Variants in HADH observed in about 807,000 individuals in gnomAD.
HADH encodes the protein hydroxyacyl-coenzyme A dehydrogenase, mitochondrial.
A neutral mutation model predicts 32.2 loss-of-function variants in HADH; 24 were observed. The ratio of observed to expected loss-of-function variants is 0.75; its 90% confidence interval spans 0.54 to 1.05. The LOEUF (loss-of-function observed/expected upper bound fraction) is 1.05, where lower values mean the gene tolerates loss of function less well. Ranked by LOEUF, HADH falls within the 50% of genes least tolerant of loss-of-function variation. The pLI, the probability that HADH is intolerant of heterozygous loss-of-function variation, is 0.00. For synonymous variants in HADH, 139 were observed against 152.5 expected (o/e 0.91, Z 0.65); for missense variants, 350 against 397.1 (o/e 0.88, Z 1.01).
chr4:108,024,992 G>A (rs1473272087), intron 5 of HADH: 1 of 152,180 alleles, frequency 6.6e-6, no homozygotes, highest in Non-Finnish European at 1.5e-5. Context: ...AGCTCTTTAT[G>A]AGGCATCTGG....
chr4:108,034,424 G>A lies in HADH; in HGVS notation c.*67G>A, dbSNP rs893527814. ...TTTCCAGCCAGTGCCCCGAGTGCCT[G>A]TGGGAATGCTCTTTGGTCAGACATT... On this transcript the variant is annotated 3_prime_UTR_variant, in exon 8 of 8. Transcript: ENST00000309522. 9.2e-6 allele frequency: 8 copies of A among 873,678 alleles called. No individual in the cohort carries two copies. Among genetic ancestry groups the A allele is most frequent in the Middle Eastern group, 2.2e-4 (1 of 4,640 alleles). 54.1% of individuals were successfully genotyped at this position (873,678 alleles called of 1,614,324 possible).
At chr4:108,014,379 A>AT in intron 2 of HADH, 52 bp from the exon 3 acceptor site, 1 of 1,606,770 alleles carries the variant, frequency 6.2e-7, no homozygotes. Context: ...AACTTGAAAG[A>AT]TAATTTCCAG....
At chr4:108,000,562 A>G (rs1432010146) in intron 1 of HADH, among the ~76,000 whole-genome samples, 2 of 152,160 alleles carry the variant, frequency 1.3e-5, no homozygotes, top group Non-Finnish European at 2.9e-5. Flanking sequence ...CGCCACACCC[A>G]GTTATTTTCT....
intron 3 of HADH, among the ~76,000 whole-genome samples, chr4:108,018,642 T>A (rs1735774198): frequency 6.6e-6 from 1 of 152,074 alleles, no homozygotes; most frequent in Non-Finnish European, 1.5e-5. Context: ...TTGAGCAGAT[T>A]ATAGTATTGC....
At chr4:108,008,330 G>T (rs1312515590) in intron 1 of HADH, among the ~76,000 whole-genome samples, 1 of 152,144 alleles carries the variant, frequency 6.6e-6, no homozygotes, top group Non-Finnish European at 1.5e-5. Context: ...TCATGCCTTG[G>T]TTCCCAGACG....
At chr4:108,010,540 C>T (rs1004882662) in intron 2 of HADH, among the ~76,000 whole-genome samples, 4 of 152,076 alleles carry the variant, frequency 2.6e-5, no homozygotes, top group African/African-American at 9.7e-5. Context: ...GATTGATTTC[C>T]TTGGGGCTTG....
chr4:108,024,587 G>A (rs1735997085), intron 5 of HADH: 1 of 152,164 alleles, frequency 6.6e-6, no homozygotes. Context: ...TTGTTAGGGA[G>A]TCTCATGCTT....
At chr4:108,033,107 G>C (rs951578997) in intron 6 of HADH, 69 bp from the exon 7 acceptor site, 5 of 817,754 alleles carry the variant, frequency 6.1e-6, no homozygotes, top group Non-Finnish European at 1.1e-5. Context: ...GTAATTCTGG[G>C]GCTAATCCTG....
Position 108,014,509 on chromosome 4 carries a change from G to C in HADH, c.340G>C (p.Asp114His). 1 of 1,614,160 alleles carries C rather than the reference G, an allele frequency of 6.2e-7. No individual in the cohort carries two copies. Among genetic ancestry groups the C allele is most frequent in the South Asian group, 1.1e-5 (1 of 91,078 alleles). Residue 114 changes from aspartate (D) to histidine (H), a missense_variant, in exon 3 of 8, where the codon GAC (aspartate) becomes CAC (histidine). Coordinates refer to ENST00000309522, the MANE Select transcript of HADH (RefSeq NM_005327.7). ...TDAASVVHST[D>H]LVVEAIVENL... ...TGCAGCCTCCGTTGTCCACAGCACA[G>C]ACTTGGTGGTGGAAGCCATCGTGGA...
rs563672834 is a variant in HADH, at chr4:108,032,683, G to A, written c.710-493G>A. 1.1e-4 allele frequency: 36 copies of A among 341,038 alleles called. 1 individual carries two copies. The highest frequency in any genetic ancestry group is 9.2e-4 in the South Asian group (22 of 23,862). The allele number at this position is 341,038 out of a possible 1,614,324, so 21.1% of individuals were successfully genotyped here. A position where few individuals can be genotyped will look rare whatever the true frequency, so the allele number is the denominator to read the frequency against. ...ACTCCAAAATTCACCTCAGTGGTGC[G>A]TAGCTTTGAAAATCTTGGGCCACAC... is the stretch of plus-strand genomic sequence containing the variant. On this transcript the variant is annotated intron_variant, in intron 6 of 7. Transcript: ENST00000309522.
chr4:108,015,380 A>G (rs1735657186), intron 3 of HADH, among the ~76,000 whole-genome samples: 2 of 152,182 alleles, frequency 1.3e-5, no homozygotes, highest in Admixed American at 6.5e-5. Flanking sequence ...TCTGTTGATT[A>G]GTGATGCTGA....
intron 1 of HADH, among the ~76,000 whole-genome samples, chr4:107,995,564 T>C (rs913196309): frequency 6.6e-6 from 1 of 152,138 alleles, no homozygotes; most frequent in African/African-American, 2.4e-5. Context: ...TACCATTTAC[T>C]GGTTTTTGTA....
Position 108,033,223 on chromosome 4 carries a change from G to A in HADH, c.757G>A (p.Gly253Ser), listed in dbSNP as rs749276908. The change falls in exon 7 of 8, where the codon GGT becomes AGT. Residue 253 changes from glycine (G) to serine (S), a missense_variant. Physicochemically the swap from Gly to Ser is moderately conservative, Grantham distance 56 (BLOSUM62 0). Transcript: ENST00000309522. ...DIDTAMKLGA[G>S]YPMGPFELLD... ...TGACACTGCTATGAAATTAGGAGCC[G>A]GTTACCCCATGGGCCCATTTGAGCT... The A allele has an allele frequency of 1.1e-5, 18 of 1,610,986 alleles. No homozygotes were observed. The highest frequency in any genetic ancestry group is 3.3e-5 in the Admixed American group (2 of 59,988).
chr4:108,032,590 C>T (rs145278141), intron 6 of HADH: 11 of 468,622 alleles, frequency 2.3e-5, no homozygotes, highest in Non-Finnish European at 1.6e-5. Flanking sequence ...TTGGAAAATC[C>T]CAATGTATTT....
chr4:108,014,493 C>T lies in HADH; in HGVS notation c.324C>T (p.Ser108=), dbSNP rs373153417. 3.2e-5 allele frequency: 52 copies of T among 1,613,976 alleles called. No homozygotes were observed. The highest frequency in any genetic ancestry group is 1.2e-4 in the Admixed American group (7 of 59,996). The change falls in exon 3 of 8, where the codon TCC becomes TCT. Residue 108 remains serine (S), a synonymous_variant. Coordinates refer to ENST00000309522, the MANE Select transcript of HADH (RefSeq NM_005327.7). ...TAGCGACCAGCACGGATGCAGCCTCCGTTGTCCACAGCACAGACTTGGTGG... is the reference window on the plus strand; with the variant it reads ...TAGCGACCAGCACGGATGCAGCCTCTGTTGTCCACAGCACAGACTTGGTGG... ...STIATSTDAA[S]VVHSTDLVVE...
chr4:108,016,646 A>G (rs189907352), intron 3 of HADH, among the ~76,000 whole-genome samples: 2 of 152,326 alleles, frequency 1.3e-5, no homozygotes, highest in Admixed American at 6.5e-5. Flanking sequence ...ACTGCCCTCC[A>G]TTGTCCATGT....
intron 1 of HADH, among the ~76,000 whole-genome samples, chr4:108,002,430 C>T (rs1735146386): frequency 6.6e-6 from 1 of 152,168 alleles, no homozygotes; most frequent in South Asian, 2.1e-4. Context: ...CCATTATCCC[C>T]ACATGGCACC....
At chr4:108,004,286 G>A (rs948732218) in intron 1 of HADH, among the ~76,000 whole-genome samples, 1 of 152,244 alleles carries the variant, frequency 6.6e-6, no homozygotes, top group East Asian at 1.9e-4. Context: ...AGTGGCATGC[G>A]CAGCGTGGTG....
intron 6 of HADH, chr4:108,032,547 C>G (rs1245289945): frequency 1.9e-6 from 1 of 514,622 alleles, no homozygotes; most frequent in African/African-American, 1.9e-5. Context: ...TATGCTGTAG[C>G]ATTAAATTAT....
Sources: gnomAD v4.1 joint callset for allele counts (sites outside exome capture counted in the v4.1 genomes callset) on GRCh38, gnomAD v4.1.1 for gene constraint, MANE v1.5 for transcripts, NCBI Gene and HGNC (gene_info 2026-07-23, HGNC 2026-07-21) for gene names.